Variants in TNKS2 observed in about 807,000 individuals in gnomAD.
The protein encoded by TNKS2 is tankyrase 2, also known as poly [ADP-ribose] polymerase tankyrase-2.
Under a neutral mutation model 137.6 loss-of-function variants are expected in TNKS2, and 72 were observed. The ratio of observed to expected loss-of-function variants is 0.52; its 90% CI spans 0.43 to 0.64. The LOEUF is 0.64. TNKS2 is among the 30% of genes least tolerant of loss of function. The probability of loss-of-function intolerance (pLI) is 0.00; values close to 1 mark genes in which losing one functional copy is unlikely to be tolerated. For missense variants in TNKS2, 1,049 were observed against 1,410.2 expected, an observed-to-expected ratio of 0.74 and a Z score of 4.10; for synonymous variants, 516 against 512.1, an observed-to-expected ratio of 1.01 and a Z score of -0.10.
intron 5 of TNKS2, 90 bp from the exon 6 acceptor site, chr10:91,819,849 T>A: frequency 9.4e-7 from 1 of 1,067,504 alleles, no homozygotes. Flanking sequence ...ATAATTGGAT[T>A]TTCTGGTTTT....
chr10:91,850,261 C>T (rs560554273), intron 20 of TNKS2, among the ~76,000 whole-genome samples: 3 of 150,232 alleles, frequency 2.0e-5, no homozygotes, highest in African/African-American at 7.4e-5. Context: ...CCCACCTACT[C>T]GGGAGGCTGA....
intron 18 of TNKS2, 107 bp from the exon 19 acceptor site, chr10:91,848,276 C>G (rs1189398636): frequency 5.7e-5 from 71 of 1,238,632 alleles, no homozygotes; most frequent in Non-Finnish European, 7.2e-5. Context: ...TGTGATAGTA[C>G]TGGCACAAAT....
rs1841952549 is a variant in TNKS2 at position 91,834,976 on chromosome 10, AT to A, written c.1447+954del. 5.3e-5 allele frequency among the ~76,000 whole-genome samples: 8 copies of A among 152,318 alleles called. No homozygotes were observed. The South Asian group carries it at 1.7e-3, about 32-fold the overall frequency. ...TTTCCAGGTCAAAGGGTAGCATATA[AT>A]TGTCAAATTATCTTCTGTTAATAGA... is the stretch of plus-strand genomic sequence containing the variant. On this transcript the variant is annotated intron_variant, in intron 12 of 26. Coordinates refer to ENST00000371627, the MANE Select transcript of TNKS2 (RefSeq NM_025235.4).
At chr10:91,842,065 A>G (rs940660817) in intron 15 of TNKS2, 107 bp from the exon 16 acceptor site, 2 of 614,854 alleles carry the variant, frequency 3.3e-6, no homozygotes, top group African/African-American at 1.9e-5. Flanking sequence ...TAGAGTCTCA[A>G]TATAAATTTA....
chr10:91,844,259 A>G (rs1229730771), intron 16 of TNKS2, among the ~76,000 whole-genome samples: 1 of 152,228 alleles, frequency 6.6e-6, no homozygotes, highest in Non-Finnish European at 1.5e-5. Flanking sequence ...GTAATATTTT[A>G]TGGTAGTTTT....
At chr10:91,834,690 G>A (rs1292133113) in intron 12 of TNKS2, among the ~76,000 whole-genome samples, 1 of 152,138 alleles carries the variant, frequency 6.6e-6, no homozygotes, top group East Asian at 1.9e-4. Flanking sequence ...AACACTGCTT[G>A]AACAGATGAA....
chr10:91,808,679 T>C (rs539708257), intron 1 of TNKS2, among the ~76,000 whole-genome samples: 11 of 152,262 alleles, frequency 7.2e-5, no homozygotes, highest in African/African-American at 2.4e-4. Flanking sequence ...GAAGGAAATA[T>C]GTTAAGCAAA....
intron 3 of TNKS2, among the ~76,000 whole-genome samples, chr10:91,817,487 T>C (rs796494900): frequency 1.1e-4 from 16 of 152,344 alleles, no homozygotes; most frequent in African/African-American, 3.8e-4. Flanking sequence ...TAATTGTATG[T>C]TGCTTTAGTA....
rs1739582371 is a variant in TNKS2 at position 91,818,918 on chromosome 10, A to G, written c.521-352A>G. 2.6e-5 allele frequency among the ~76,000 whole-genome samples: 4 copies of G among 152,296 alleles called. No homozygotes were observed. The South Asian group carries it at 8.3e-4, about 32-fold the overall frequency. ...ACTCATTTTAGGAAATTTGAAGGGA[A>G]AAAGGGAAAGGTCACCAATAACCTA... On this transcript the variant is annotated intron_variant, in intron 3 of 26. Transcript: ENST00000371627.
chr10:91,814,985 A>G (rs1235284190), intron 2 of TNKS2, among the ~76,000 whole-genome samples: 2 of 152,248 alleles, frequency 1.3e-5, no homozygotes, highest in African/African-American at 2.4e-5. Flanking sequence ...AAATGATGCT[A>G]CTGAATTATA....
chr10:91,840,799 A>G, intron 14 of TNKS2, 93 bp downstream of exon 14: 1 of 1,314,834 alleles, frequency 7.6e-7, no homozygotes, highest in Non-Finnish European at 1.0e-6. Context: ...ATTTTTCAAG[A>G]AAGCCTGTTT....
chr10:91,836,091 A>G (rs1490054507), intron 12 of TNKS2, among the ~76,000 whole-genome samples: 1 of 117,934 alleles, frequency 8.5e-6, no homozygotes, highest in Non-Finnish European at 1.6e-5. Flanking sequence ...TGCCCAGGCT[A>G]GGGTGCAATG....
chr10:91,834,094 A>G, intron 12 of TNKS2, 70 bp downstream of exon 12: 8 of 1,315,476 alleles, frequency 6.1e-6, no homozygotes, highest in Non-Finnish European at 7.1e-6. Context: ...ATCAGGTATT[A>G]TAGGTAGGAG....
rs755668329 is a variant in TNKS2, at chr10:91,833,961, A to G, written c.1384A>G (p.Ile462Val). The G allele has an allele frequency of 3.1e-6, 5 of 1,613,812 alleles. No homozygotes were observed. The highest frequency in any genetic ancestry group is 4.2e-6 in the Non-Finnish European group (5 of 1,179,844). ...GAGCTATGGGTGTGATCCTAACATT[A>G]TATCCCTTCAGGGCTTTACTGCTTT... The part of the protein sequence containing the change: ...LLSYGCDPNI[I>V]SLQGFTALQM... Residue 462 changes from isoleucine to valine, a missense_variant, in exon 12 of 27, where the codon ATA (isoleucine) becomes GTA (valine). Physicochemically the swap from Ile to Val is conservative, Grantham distance 29. Coordinates refer to ENST00000371627, the MANE Select transcript of TNKS2 (RefSeq NM_025235.4).
At chr10:91,800,643 C>A (rs1465476153) in intron 1 of TNKS2, among the ~76,000 whole-genome samples, 1 of 151,922 alleles carries the variant, frequency 6.6e-6, no homozygotes, top group East Asian at 1.9e-4. Flanking sequence ...CACAACTTAC[C>A]CAAATTATCA....
Position 91,845,022 on chromosome 10 carries a change from T to C in TNKS2, c.2163T>C (p.Ser721=). The change falls in exon 17 of 27, where the codon TCT becomes TCC. Residue 721 remains serine (S), a synonymous_variant. Coordinates refer to ENST00000371627, the MANE Select transcript of TNKS2 (RefSeq NM_025235.4). The part of the protein sequence containing the change: ...GGLIPLHNAA[S]YGHVDVAALL... ...TTATTCCTTTACATAATGCAGCATC[T>C]TACGGGGTAAGTTCTTCCGTGTTAC... The C allele has an allele frequency of 6.2e-7, 1 of 1,606,778 alleles. No homozygotes were observed. Among genetic ancestry groups the C allele is most frequent in the Non-Finnish European group, 8.5e-7 (1 of 1,174,634 alleles).
At chr10:91,857,061 G>C (rs1242388552) in intron 23 of TNKS2, among the ~76,000 whole-genome samples, 1 of 152,020 alleles carries the variant, frequency 6.6e-6, no homozygotes, top group Non-Finnish European at 1.5e-5. Flanking sequence ...AATACATTGG[G>C]GAAAAAGGAT....
At chr10:91,823,967 A>G (rs1050100487) in intron 7 of TNKS2, among the ~76,000 whole-genome samples, 4 of 152,224 alleles carry the variant, frequency 2.6e-5, no homozygotes, top group South Asian at 2.1e-4. Flanking sequence ...TGCTTCTTGT[A>G]AAACTGAATC....
In TNKS2 at chr10:91,851,203, C is replaced by T; in HGVS notation, c.2695-13C>T. Reference sequence around the variant, plus strand: ...AAGTAAGCATTCTAAGTAGTTTCCTCCTCTTTTGTAAGATCACTTTGGATG... The same window carrying T: ...AAGTAAGCATTCTAAGTAGTTTCCTTCTCTTTTGTAAGATCACTTTGGATG... On this transcript the variant is annotated splice_polypyrimidine_tract_variant and intron_variant, in intron 20 of 26. Transcript: ENST00000371627. 1 of 1,612,620 alleles carries T rather than the reference C, an allele frequency of 6.2e-7. No individual in the cohort carries two copies. Among genetic ancestry groups the T allele is most frequent in the Non-Finnish European group, 8.5e-7 (1 of 1,179,602 alleles).
Sources: gnomAD v4.1 joint callset for allele counts (sites outside exome capture counted in the v4.1 genomes callset) on GRCh38, gnomAD v4.1.1 for gene constraint, MANE v1.5 for transcripts, NCBI Gene and HGNC (gene_info 2026-07-23, HGNC 2026-07-21) for gene names.